Variants in PCNX2 observed in about 807,000 individuals in gnomAD.
PCNX2 encodes the protein pecanex 2, also known as pecanex-like protein 2.
Under a neutral mutation model 223.8 loss-of-function variants are expected in PCNX2, and 168 were observed. The ratio of observed to expected loss-of-function variants is 0.75; its 90% CI spans 0.66 to 0.85. PCNX2 has a LOEUF of 0.85. Ranked by LOEUF, PCNX2 falls within the 40% of genes least tolerant of loss-of-function variation. The pLI is 0.00. For synonymous variants in PCNX2, 1,006 were observed against 1,052.6 expected, an observed-to-expected ratio of 0.96 and a Z score of 0.86; for missense variants, 2,507 against 2,675.5, an observed-to-expected ratio of 0.94 and a Z score of 1.39.
intron 21 of PCNX2, chr1:233,112,708 T>TCGGAGG: frequency 4.1e-6 from 3 of 736,154 alleles, no homozygotes; most frequent in South Asian, 2.1e-5. Flanking sequence ...TGTGTAGATC[T>TCGGAGG]TTGAACAATA....
chr1:233,224,934 C>T (rs1320171027), intron 10 of PCNX2, among the ~76,000 whole-genome samples: 1 of 151,770 alleles, frequency 6.6e-6, no homozygotes, highest in Admixed American at 6.6e-5. Context: ...GAACATCACA[C>T]ACCGGGGCCT....
intron 25 of PCNX2, among the ~76,000 whole-genome samples, chr1:233,035,310 C>T (rs967204811): frequency 2.0e-4 from 31 of 151,882 alleles, no homozygotes; most frequent in African/African-American, 7.5e-4. Context: ...TTTTTGTTCC[C>T]AATAATCAAA....
chr1:233,191,686 T>C (rs1374198147), intron 15 of PCNX2, among the ~76,000 whole-genome samples: 1 of 152,166 alleles, frequency 6.6e-6, no homozygotes, highest in African/African-American at 2.4e-5. Flanking sequence ...TGAAAGACAG[T>C]AGTGCACTGA....
intron 23 of PCNX2, among the ~76,000 whole-genome samples, chr1:233,061,942 A>G (rs1273375680): frequency 6.6e-6 from 1 of 152,030 alleles, no homozygotes; most frequent in Non-Finnish European, 1.5e-5. Context: ...TATTTTTAGT[A>G]GAGATGGGGT....
At chr1:233,240,866 T>C (rs1658721486) in intron 8 of PCNX2, among the ~76,000 whole-genome samples, 1 of 152,156 alleles carries the variant, frequency 6.6e-6, no homozygotes, top group Admixed American at 6.5e-5. Context: ...CAACAGACAG[T>C]CAAAATACAT....
chr1:233,006,768 G>A (rs577110481), intron 28 of PCNX2, among the ~76,000 whole-genome samples: 4 of 152,222 alleles, frequency 2.6e-5, no homozygotes, highest in Admixed American at 6.5e-5. Flanking sequence ...ATTGTGAAGC[G>A]CCTTCTGCTG....
rs1353828549 is a variant in PCNX2, at chr1:233,161,404, C to T, written c.3274-41G>A. On this transcript the variant is annotated intron_variant, in intron 17 of 33. Transcript: ENST00000258229. Reference sequence around the variant, plus strand: ...CAGCGGTAAAGGCGACTCTTCATTTCTCTCAGCAACTCTGTGTAACCAGGT... The same window carrying T: ...CAGCGGTAAAGGCGACTCTTCATTTTTCTCAGCAACTCTGTGTAACCAGGT... 9 of 1,517,492 alleles carry T rather than the reference C, an allele frequency of 5.9e-6. 1 individual carries two copies. The South Asian group carries it at 1.0e-4, about 17-fold the overall frequency. 94.0% of individuals were successfully genotyped at this position (1,517,492 alleles called of 1,614,324 possible).
At chr1:233,223,898 G>A (rs555433052) in intron 10 of PCNX2, among the ~76,000 whole-genome samples, 4 of 152,168 alleles carry the variant, frequency 2.6e-5, no homozygotes, top group East Asian at 3.9e-4. Context: ...ATCTCAGTTT[G>A]TGTGTATCTT....
chr1:233,236,802 G>A (rs770871063), intron 9 of PCNX2, 43 bp downstream of exon 9: 1 of 1,597,786 alleles, frequency 6.3e-7, no homozygotes, highest in Non-Finnish European at 8.5e-7. Flanking sequence ...AAGATCCCCT[G>A]TTTCCAGAAC....
At chr1:233,005,035 C>G (rs913631327) in intron 28 of PCNX2, among the ~76,000 whole-genome samples, 1 of 152,130 alleles carries the variant, frequency 6.6e-6, no homozygotes, top group Non-Finnish European at 1.5e-5. Flanking sequence ...AGGCTGATGC[C>G]GAGAGTGGAG....
intron 1 of PCNX2, among the ~76,000 whole-genome samples, chr1:233,281,047 A>C (rs1051102332): frequency 6.6e-6 from 1 of 152,228 alleles, no homozygotes; most frequent in Non-Finnish European, 1.5e-5. Flanking sequence ...TTGTAAGAAG[A>C]AGCCAAGTGC....
intron 22 of PCNX2, among the ~76,000 whole-genome samples, chr1:233,091,597 G>A (rs1169062899): frequency 2.0e-5 from 3 of 152,030 alleles, no homozygotes; most frequent in African/African-American, 4.8e-5. Context: ...GCCAGGCATT[G>A]TGGTGCACAC....
chr1:233,295,948 TCCTTTC>T (rs1662085553), upstream of PCNX2, among the ~76,000 whole-genome samples: 1 of 147,512 alleles, frequency 6.8e-6, no homozygotes, highest in African/African-American at 2.5e-5. This position sits in a 1 kb window ranked among gnomAD's most constrained non-coding sequence, Gnocchi z 4.1. Context: ...CTTCCTTCCT[TCCTTTC>T]TCTCTCTCTC....
chr1:233,057,345 GA>G, intron 23 of PCNX2, 55 bp from the exon 24 acceptor site: 4 of 1,422,282 alleles, frequency 2.8e-6, no homozygotes, highest in Non-Finnish European at 3.9e-6. Context: ...CCAAGCAGAA[GA>G]GTTGGTTTAT....
At position 233,179,167 on chromosome 1, in the gene PCNX2, C is replaced by T; in HGVS notation, c.3075G>A (p.Trp1025Ter). The T allele has an allele frequency of 6.2e-7, 1 of 1,613,734 alleles. No individual in the cohort carries two copies. Among genetic ancestry groups the T allele is most frequent in the Non-Finnish European group, 8.5e-7 (1 of 1,179,736 alleles). Residue 1025 changes from tryptophan (W) to a stop codon, truncating the protein, a stop_gained, in exon 16 of 34, where the codon TGG becomes TGA. Transcript: ENST00000258229. LOFTEE classifies it high-confidence loss of function. ...AVCFSAVKEP[W>*]SMQHIPALFS... is the part of the protein sequence containing the mutation. ...ACAGTGCCGGGATGTGTTGCATGCTCCACGGTTCCTAAAGAAAAGACATCA... is the reference window on the plus strand; with the variant it reads ...ACAGTGCCGGGATGTGTTGCATGCTTCACGGTTCCTAAAGAAAAGACATCA...
chr1:233,259,081 A>C lies in PCNX2; in HGVS notation c.781T>G (p.Leu261Val). 6.2e-7 allele frequency: 1 copy of C among 1,613,968 alleles called. No individual in the cohort carries two copies. The highest frequency in any genetic ancestry group is 8.5e-7 in the Non-Finnish European group (1 of 1,179,866). Residue 261 changes from leucine (L) to valine (V), a missense_variant, in exon 5 of 34, where the codon TTG becomes GTG. Coordinates refer to ENST00000258229, the MANE Select transcript of PCNX2 (RefSeq NM_014801.4). ...GPLKKLPHLSLSQYDLLETDV... is the reference protein window; with the variant it reads ...GPLKKLPHLSVSQYDLLETDV... ...GTTTCTAGTAAGTCATACTGAGACA[A>C]AGACAGGTGGGGCAACTTCTTCAAG...
At chr1:233,233,872 C>T (rs1327660489) in intron 9 of PCNX2, among the ~76,000 whole-genome samples, 8 of 152,060 alleles carry the variant, frequency 5.3e-5, no homozygotes, top group Admixed American at 3.9e-4. Flanking sequence ...GCCTCACCTC[C>T]AGGCCCCTTT....
intron 15 of PCNX2, among the ~76,000 whole-genome samples, chr1:233,188,475 G>C (rs1478785249): frequency 1.3e-5 from 2 of 152,074 alleles, no homozygotes; most frequent in Non-Finnish European, 2.9e-5. Flanking sequence ...TTCTGATTAG[G>C]TCAGACCCAT....
chr1:233,081,857 A>G (rs1016971437), intron 23 of PCNX2, among the ~76,000 whole-genome samples: 1 of 151,706 alleles, frequency 6.6e-6, no homozygotes, highest in Non-Finnish European at 1.5e-5. Flanking sequence ...TCCTACTCTG[A>G]GCAAATGCCT....
Sources: allele counts gnomAD v4.1 joint callset (sites outside exome capture counted in the v4.1 genomes callset), GRCh38; gene constraint gnomAD v4.1.1; non-coding constraint Gnocchi (gnomAD v3.1); transcripts MANE v1.5; gene names NCBI Gene and HGNC (gene_info 2026-07-23, HGNC 2026-07-21).